The following CUX1 variants were observed in gnomAD, a reference collection of about 807,000 sequenced individuals.
CUX1 encodes the protein protein CASP.
A neutral mutation model predicts 158.8 loss-of-function variants in CUX1; 31 were observed. That is an observed-to-expected ratio of 0.20 (90% CI 0.15 to 0.26). CUX1 has a LOEUF of 0.26. CUX1 is among the 10% of genes least tolerant of loss of function. The probability of loss-of-function intolerance (pLI) is 1.00; values close to 1 mark genes in which losing one functional copy is unlikely to be tolerated. For synonymous variants in CUX1, 879 were observed against 862.1 expected (o/e 1.02, Z -0.34); for missense variants, 1,589 against 2,014.6 (o/e 0.79, Z 4.04).
At chr7:102,217,950 G>A (rs781948604) in intron 20 of CUX1, among the ~76,000 whole-genome samples, 4 of 151,930 alleles carry the variant, frequency 2.6e-5, no homozygotes, top group Non-Finnish European at 4.4e-5. Context: ...GGATGGATGC[G>A]ATGGTGTCTA....
At chr7:102,157,845 G>A (rs999666659) in intron 8 of CUX1, among the ~76,000 whole-genome samples, 7 of 152,246 alleles carry the variant, frequency 4.6e-5, no homozygotes, top group East Asian at 3.9e-4. Flanking sequence ...TGTTGGGTTC[G>A]CGTATTTGCC....
At chr7:102,282,815 C>T (rs201979705) in intron 22 of CUX1, 20 of 1,513,982 alleles carry the variant, frequency 1.3e-5, no homozygotes, top group African/African-American at 7.2e-5. Flanking sequence ...AGCCCCACAG[C>T]GAGCTCCCAG....
intron 1 of CUX1, among the ~76,000 whole-genome samples, chr7:101,848,912 A>ATTTTTTTTT (rs11364752): frequency 6.8e-6 from 1 of 146,476 alleles, no homozygotes. Flanking sequence ...TTGCAAGGCA[A>ATTTTTTTTT]TTTTTTTTTT....
intron 2 of CUX1, among the ~76,000 whole-genome samples, chr7:101,967,499 T>C (rs764928497): frequency 6.6e-6 from 1 of 152,234 alleles, no homozygotes; most frequent in Non-Finnish European, 1.5e-5. Flanking sequence ...TTCTTGTCTG[T>C]GTGATGTTCA....
At chr7:101,891,102 G>A (rs951255420) in intron 1 of CUX1, among the ~76,000 whole-genome samples, 4 of 152,088 alleles carry the variant, frequency 2.6e-5, no homozygotes, top group African/African-American at 9.7e-5. Flanking sequence ...TCTCAAAGAC[G>A]TTTAACCACT....
intron 1 of CUX1, among the ~76,000 whole-genome samples, chr7:101,837,391 G>GTGTA (rs1184352139): frequency 6.6e-6 from 1 of 152,144 alleles, no homozygotes; most frequent in Non-Finnish European, 1.5e-5. Context: ...TTTTTTAGTT[G>GTGTA]TGTATGTGTA....
At chr7:102,246,300 G>C (rs1465480923) in intron 23 of CUX1, among the ~76,000 whole-genome samples, 1 of 152,154 alleles carries the variant, frequency 6.6e-6, no homozygotes, top group Non-Finnish European at 1.5e-5. Context: ...GGGCTCCCAA[G>C]GTAGCCCCAG....
At chr7:102,080,729 G>C (rs1332159732) in intron 4 of CUX1, among the ~76,000 whole-genome samples, 1 of 152,190 alleles carries the variant, frequency 6.6e-6, no homozygotes, top group Non-Finnish European at 1.5e-5. Flanking sequence ...GCTCTTCTGA[G>C]ATCCAGCCAT....
intron 1 of CUX1, among the ~76,000 whole-genome samples, chr7:101,882,960 T>A (rs374872910): frequency 6.6e-6 from 1 of 152,164 alleles, no homozygotes; most frequent in East Asian, 1.9e-4. Context: ...TGGTTCTGCG[T>A]GTTCCAGAGA....
upstream of CUX1, chr7:101,816,240 C>T: frequency 6.4e-6 from 1 of 157,230 alleles, no homozygotes; most frequent in Non-Finnish European, 1.3e-5. Context: ...GGGGCCGAGT[C>T]GGGGCCGAGT....
chr7:102,074,253 C>T (rs982217381), intron 4 of CUX1, among the ~76,000 whole-genome samples: 1 of 152,190 alleles, frequency 6.6e-6, no homozygotes, highest in Admixed American at 6.5e-5. Flanking sequence ...CAAGAGACAG[C>T]AACTCACACT....
intron 1 of CUX1, among the ~76,000 whole-genome samples, chr7:101,875,299 T>G (rs971020288): frequency 6.6e-6 from 1 of 152,128 alleles, no homozygotes; most frequent in Non-Finnish European, 1.5e-5. Flanking sequence ...TTTTTTGTTG[T>G]TTTTAGAAAA....
At chr7:102,267,961 C>T (rs369168660) in intron 14 of CUX1, among the ~76,000 whole-genome samples, 11 of 152,262 alleles carry the variant, frequency 7.2e-5, no homozygotes, top group African/African-American at 2.4e-4. Flanking sequence ...GCCACTGCAC[C>T]GGGCCCTCCT....
In CUX1 at chr7:102,122,951, C is replaced by T. The variant is rs1208931984; in HGVS notation, c.674+7678C>T. On this transcript the variant is annotated intron_variant, in intron 8 of 23. Transcript: ENST00000292535. ...CACGTACACATAAATAGAGAGGCAGCCGGGCACGGTGGCTCATACCTGTAA... is the reference window on the plus strand; with the variant it reads ...CACGTACACATAAATAGAGAGGCAGTCGGGCACGGTGGCTCATACCTGTAA... Among the ~76,000 whole-genome samples, 3 of 152,100 alleles carry T rather than the reference C, an allele frequency of 2.0e-5. No individual in the cohort carries two copies. The East Asian group carries it at 5.8e-4, about 29-fold the overall frequency.
chr7:101,990,188 A>G (rs1217062584), intron 2 of CUX1, among the ~76,000 whole-genome samples: 1 of 150,484 alleles, frequency 6.6e-6, no homozygotes, highest in African/African-American at 2.4e-5. Context: ...GTAAGACCCC[A>G]TCTCTTAAGG....
intron 6 of CUX1, among the ~76,000 whole-genome samples, chr7:102,107,852 C>T (rs1330639165): frequency 1.3e-5 from 2 of 152,224 alleles, no homozygotes; most frequent in African/African-American, 2.4e-5. Flanking sequence ...GTTGCCGGAC[C>T]AAGGCCAGTC....
chr7:101,937,509 C>A (rs1563033517), intron 2 of CUX1, among the ~76,000 whole-genome samples: 1 of 141,854 alleles, frequency 7.0e-6, no homozygotes, highest in African/African-American at 2.6e-5. Flanking sequence ...AAAATCAAGT[C>A]TTTTTTTTTT....
chr7:102,240,924 G>A (rs905079540), intron 23 of CUX1, among the ~76,000 whole-genome samples: 1 of 152,046 alleles, frequency 6.6e-6, no homozygotes, highest in Non-Finnish European at 1.5e-5. Context: ...AGGTTCAAGC[G>A]ACTCTCCTGC....
At chr7:102,185,393 G>C (rs1793519060) in intron 11 of CUX1, among the ~76,000 whole-genome samples, 1 of 151,974 alleles carries the variant, frequency 6.6e-6, no homozygotes, top group South Asian at 2.1e-4. Flanking sequence ...GTCAAGTCTG[G>C]GTGGGTAGGT....
Sources: allele counts gnomAD v4.1 joint callset (sites outside exome capture counted in the v4.1 genomes callset), GRCh38; gene constraint gnomAD v4.1.1; transcripts MANE v1.5; gene names NCBI Gene and HGNC (gene_info 2026-07-23, HGNC 2026-07-21).